The following TMPRSS12 variants were observed in gnomAD, a reference collection of about 807,000 sequenced individuals.
TMPRSS12 encodes the protein transmembrane serine protease 12.
In TMPRSS12, 25 loss-of-function variants were observed where a neutral mutation model predicts 26.0. That is an observed-to-expected ratio of 0.96 (90% CI 0.70 to 1.34). The LOEUF (loss-of-function observed/expected upper bound fraction) is 1.34, where lower values mean the gene tolerates loss of function less well. Ranked by LOEUF, TMPRSS12 falls within the 40% of genes most tolerant of loss-of-function variation. The pLI, the probability that TMPRSS12 is intolerant of heterozygous loss-of-function variation, is 0.00. For missense variants in TMPRSS12, 441 were observed against 440.1 expected, an observed-to-expected ratio of 1.00 and a Z score of -0.02; for synonymous variants, 150 against 161.7, an observed-to-expected ratio of 0.93 and a Z score of 0.55.
intron 2 of TMPRSS12, among the ~76,000 whole-genome samples, chr12:50,848,470 G>T (rs572315711): frequency 1.2e-4 from 19 of 152,178 alleles, no homozygotes; most frequent in Non-Finnish European, 2.2e-4. Flanking sequence ...CTATAGCTAG[G>T]TGTCTCTGAA....
intron 2 of TMPRSS12, among the ~76,000 whole-genome samples, chr12:50,853,863 G>A (rs1290938673): frequency 6.6e-6 from 1 of 152,054 alleles, no homozygotes; most frequent in East Asian, 1.9e-4. Context: ...AAAAGTCCTG[G>A]ACCAGAAGGA....
At chr12:50,843,375 T>G (rs961063406) in intron 1 of TMPRSS12, among the ~76,000 whole-genome samples, 2 of 152,202 alleles carry the variant, frequency 1.3e-5, no homozygotes, top group African/African-American at 4.8e-5. Flanking sequence ...ATTCTGGGTT[T>G]TATCATCCCC....
intron 2 of TMPRSS12, among the ~76,000 whole-genome samples, chr12:50,856,904 G>A (rs1937883669): frequency 6.6e-6 from 1 of 151,926 alleles, no homozygotes; most frequent in Non-Finnish European, 1.5e-5. Flanking sequence ...TGCCCAGGGT[G>A]GGCTCAAACT....
chr12:50,873,186 G>A (rs1451796408), intron 3 of TMPRSS12, among the ~76,000 whole-genome samples: 3 of 152,032 alleles, frequency 2.0e-5, no homozygotes, highest in Non-Finnish European at 4.4e-5. Flanking sequence ...GGGACTCAGG[G>A]GAAAGGGTGG....
Position 50,872,817 on chromosome 12 carries a change from G to GTCTATATATGTACATATATATGAC in TMPRSS12, c.653-12428_653-12427insCTATATATGTACATATATATGACT, listed in dbSNP as rs375254658. On this transcript the variant is annotated intron_variant, in intron 3 of 4. Transcript: ENST00000398458. ...ACGTATATATGTACATATATATGAC[G>GTCTATATATGTACATATATATGAC]TATATATGTACATATATATGACGTC... Among the ~76,000 whole-genome samples the GTCTATATATGTACATATATATGAC allele has an allele frequency of 2.6e-4, 3 of 11,438 alleles. 1 individual carries two copies. Among genetic ancestry groups the GTCTATATATGTACATATATATGAC allele is most frequent in the Non-Finnish European group, 6.5e-4 (3 of 4,634 alleles). The allele number at this position is 11,438 out of a possible 152,430, so 7.5% of individuals were successfully genotyped here. A position where few individuals can be genotyped will look rare whatever the true frequency, so the allele number is the denominator to read the frequency against.
At chr12:50,844,219 A>C (rs1030304837) in intron 2 of TMPRSS12, among the ~76,000 whole-genome samples, 182 bp downstream of exon 2, 1 of 151,924 alleles carries the variant, frequency 6.6e-6, no homozygotes, top group African/African-American at 2.4e-5. Flanking sequence ...ATTATACTTT[A>C]AGTTCTGGGG....
chr12:50,856,145 C>T (rs1248110439), intron 2 of TMPRSS12, among the ~76,000 whole-genome samples: 1 of 152,148 alleles, frequency 6.6e-6, no homozygotes, highest in South Asian at 2.1e-4. Flanking sequence ...CAAAACCCTG[C>T]CACACACAGT....
chr12:50,872,619 ATATATGTACATATATATGACG>A (rs1938060402), intron 3 of TMPRSS12, among the ~76,000 whole-genome samples: 1 of 120,768 alleles, frequency 8.3e-6, no homozygotes, highest in Non-Finnish European at 1.8e-5. Context: ...TATATGACGT[ATATATGTACATATATATGACG>A]TATATGTACA....
At chr12:50,878,788 T>C (rs993433171) in intron 3 of TMPRSS12, among the ~76,000 whole-genome samples, 3 of 152,228 alleles carry the variant, frequency 2.0e-5, no homozygotes, top group African/African-American at 7.2e-5. Flanking sequence ...CTCCGTACTA[T>C]ATTCAATAGT....
intron 2 of TMPRSS12, among the ~76,000 whole-genome samples, chr12:50,858,403 C>T (rs985380062): frequency 6.6e-6 from 1 of 152,134 alleles, no homozygotes; most frequent in Admixed American, 6.6e-5. Flanking sequence ...TAGATTTGTA[C>T]ATTTAAATAT....
At position 50,887,550 on chromosome 12, in the gene TMPRSS12, T is replaced by C. The variant is rs1342485871; in HGVS notation, c.*37T>C. 1.5e-5 allele frequency: 24 copies of C among 1,592,172 alleles called. No homozygotes were observed. The highest frequency in any genetic ancestry group is 2.0e-5 in the Non-Finnish European group (24 of 1,171,224). On this transcript the variant is annotated 3_prime_UTR_variant, in exon 5 of 5. Transcript: ENST00000398458. ...AGGCTTTCATATCTTTATTTTGCAT[T>C]GTGTCCCTTTCTATGTTCTATATAA...
chr12:50,853,791 C>A (rs1485403966), intron 2 of TMPRSS12, among the ~76,000 whole-genome samples: 1 of 151,930 alleles, frequency 6.6e-6, no homozygotes, highest in Non-Finnish European at 1.5e-5. Context: ...GAAATTGAAA[C>A]CCTGAACAGA....
intron 2 of TMPRSS12, among the ~76,000 whole-genome samples, chr12:50,855,313 T>C (rs577769904): frequency 6.6e-6 from 1 of 152,116 alleles, no homozygotes; most frequent in African/African-American, 2.4e-5. Context: ...GAACTATGCA[T>C]TCAGTAAAGG....
At position 50,843,061 on chromosome 12, in the gene TMPRSS12, C is replaced by T. The variant is rs1937726884; in HGVS notation, c.97C>T (p.Pro33Ser). ...YSPSGRHRLG[P>S]SPEPAASSQQ... ...GCCCTCTGGAAGGCACAGGCTCGGCCCCTCGCCGGAACCGGCGGCTAGTTC... is the reference window on the plus strand; with the variant it reads ...GCCCTCTGGAAGGCACAGGCTCGGCTCCTCGCCGGAACCGGCGGCTAGTTC... The change falls in exon 1 of 5, where the codon CCC becomes TCC. Residue 33 changes from proline to serine, a missense_variant. Transcript: ENST00000398458. 1.3e-6 allele frequency: 2 copies of T among 1,596,440 alleles called. No individual in the cohort carries two copies. The highest frequency in any genetic ancestry group is 2.3e-5 in the East Asian group (1 of 44,120).
At chr12:50,885,935 T>C (rs1938222268) in intron 4 of TMPRSS12, 1 of 160,302 alleles carries the variant, frequency 6.2e-6, no homozygotes. Context: ...CCCAAAGTGC[T>C]GGGATTACAG....
intron 2 of TMPRSS12, among the ~76,000 whole-genome samples, chr12:50,853,507 AC>A (rs772238924): frequency 6.6e-6 from 1 of 151,098 alleles, no homozygotes; most frequent in African/African-American, 2.4e-5. Flanking sequence ...ACACAAAAAA[AC>A]ATACAAAAGA....
chr12:50,858,767 A>C lies in TMPRSS12; in HGVS notation c.384-18A>C. On this transcript the variant is annotated intron_variant, in intron 2 of 4. Transcript: ENST00000398458. ...TTAATTAAAGATATTTATAATAAGA[A>C]TGTTTACTTTCTTTCAGCGATCCTT... 1 of 1,490,492 alleles carries C rather than the reference A, an allele frequency of 6.7e-7. No homozygotes were observed. The highest frequency in any genetic ancestry group is 1.4e-5 in the South Asian group (1 of 69,088). The allele number at this position is 1,490,492 out of a possible 1,614,324, so 92.3% of individuals were successfully genotyped here.
intron 2 of TMPRSS12, among the ~76,000 whole-genome samples, chr12:50,854,863 A>G (rs1048346216): frequency 2.6e-5 from 4 of 152,352 alleles, no homozygotes; most frequent in African/African-American, 7.2e-5. Context: ...AGGAAGAATC[A>G]TTATTGTTAA....
chr12:50,875,055 AATGTTGTT>A (rs1938100114), intron 3 of TMPRSS12, among the ~76,000 whole-genome samples: 1 of 152,140 alleles, frequency 6.6e-6, no homozygotes. Context: ...TCAAGCTACC[AATGTTGTT>A]TTTTCACAGG....
Sources: allele counts gnomAD v4.1 joint callset (sites outside exome capture counted in the v4.1 genomes callset), GRCh38; gene constraint gnomAD v4.1.1; transcripts MANE v1.5; gene names NCBI Gene and HGNC (gene_info 2026-07-23, HGNC 2026-07-21).